ATRNL1: variants seen among roughly 807,000 people sequenced by gnomAD.
ATRNL1 encodes attractin-like protein 1.
A neutral mutation model predicts 182.7 loss-of-function variants in ATRNL1; 95 were observed. The ratio of observed to expected loss-of-function variants is 0.52; its 90% CI spans 0.44 to 0.62. ATRNL1 has a LOEUF of 0.62. ATRNL1 is among the 20% of genes least tolerant of loss of function. The pLI is 0.00. For synonymous variants in ATRNL1, 576 were observed against 568.3 expected (o/e 1.01, Z -0.19); for missense variants, 1,471 against 1,679.5 (o/e 0.88, Z 2.17).
At chr10:115,520,629 T>G (rs1565126291) in intron 25 of ATRNL1, among the ~76,000 whole-genome samples, 1 of 152,216 alleles carries the variant, frequency 6.6e-6, no homozygotes, top group Non-Finnish European at 1.5e-5. Context: ...CAGATGGCAT[T>G]TTCTATCATC....
chr10:115,749,883 A>G (rs1340250381), intron 27 of ATRNL1, among the ~76,000 whole-genome samples: 1 of 151,978 alleles, frequency 6.6e-6, no homozygotes, highest in African/African-American at 2.4e-5. Flanking sequence ...CTGAGCTTCA[A>G]GTTTCTCATT....
intron 26 of ATRNL1, among the ~76,000 whole-genome samples, chr10:115,613,006 T>G (rs1555019537): frequency 1.3e-5 from 2 of 152,256 alleles, no homozygotes; most frequent in African/African-American, 4.8e-5. Context: ...TGTTCAGTTC[T>G]TCTCACATCA....
chr10:115,423,966 A>C (rs569089981), intron 20 of ATRNL1, among the ~76,000 whole-genome samples: 1 of 152,348 alleles, frequency 6.6e-6, no homozygotes, highest in African/African-American at 2.4e-5. Flanking sequence ...TGTGCAGCAA[A>C]GGAAATAATC....
chr10:115,145,801 T>A (rs1554879214), intron 5 of ATRNL1, among the ~76,000 whole-genome samples: 1 of 152,150 alleles, frequency 6.6e-6, no homozygotes, highest in Admixed American at 6.5e-5. Context: ...ATCTTCCACT[T>A]CTTATTAACA....
chr10:115,871,041 G>C (rs1210108829), intron 28 of ATRNL1, among the ~76,000 whole-genome samples: 1 of 152,102 alleles, frequency 6.6e-6, no homozygotes, highest in Non-Finnish European at 1.5e-5. Context: ...TAAAGCAATT[G>C]CTTGAGTTTT....
intron 19 of ATRNL1, among the ~76,000 whole-genome samples, chr10:115,356,855 G>A (rs1308075718): frequency 6.6e-6 from 1 of 151,900 alleles, no homozygotes; most frequent in African/African-American, 2.4e-5. Context: ...TTTTGACAAT[G>A]AAGTGTGTCA....
At position 115,461,922 on chromosome 10, in the gene ATRNL1, CT is replaced by C. The variant is rs35292161; in HGVS notation, c.3323-12del. On this transcript the variant is annotated intron_variant, in intron 21 of 28. Coordinates refer to ENST00000355044, the MANE Select transcript of ATRNL1 (RefSeq NM_207303.4). ...TTTTAAAGTACATATCAGGATTGTACTTTTTTTCCTCCCTACAGACAGCCTT... is the reference window on the plus strand; with the variant it reads ...TTTTAAAGTACATATCAGGATTGTACTTTTTTCCTCCCTACAGACAGCCTT... 2.9e-5 allele frequency: 46 copies of C among 1,579,820 alleles called. No individual in the cohort carries two copies. The highest frequency in any genetic ancestry group is 5.7e-5 in the South Asian group (5 of 88,144).
At chr10:115,679,318 G>T (rs141088086) in intron 26 of ATRNL1, among the ~76,000 whole-genome samples, 1 of 150,624 alleles carries the variant, frequency 6.6e-6, no homozygotes, top group Non-Finnish European at 1.5e-5. Flanking sequence ...TTGGTTGGTT[G>T]GTTTTTTTTT....
chr10:115,578,248 A>G (rs1293249191), intron 26 of ATRNL1, among the ~76,000 whole-genome samples: 2 of 151,824 alleles, frequency 1.3e-5, no homozygotes, highest in East Asian at 1.9e-4. Flanking sequence ...CTTTGATGTC[A>G]GGGTGATACT....
At chr10:115,132,898 GGTAGT>G (rs1845321542) in intron 5 of ATRNL1, among the ~76,000 whole-genome samples, 1 of 152,104 alleles carries the variant, frequency 6.6e-6, no homozygotes, top group Non-Finnish European at 1.5e-5. Flanking sequence ...TCACTCTGAT[GGTAGT>G]TTCTTTTGCT....
chr10:115,178,227 T>G (rs556881734), intron 8 of ATRNL1, among the ~76,000 whole-genome samples: 52 of 152,064 alleles, frequency 3.4e-4, no homozygotes, highest in Non-Finnish European at 7.2e-4. Context: ...GGAAATTTTT[T>G]GTGAGAACAT....
At chr10:115,347,814 ATATT>A (rs1856044570) in intron 19 of ATRNL1, among the ~76,000 whole-genome samples, 1 of 152,062 alleles carries the variant, frequency 6.6e-6, no homozygotes. Context: ...TGTATATAAA[ATATT>A]TATGTGTGTA....
chr10:115,363,114 T>C (rs1245891385), intron 19 of ATRNL1, among the ~76,000 whole-genome samples: 1 of 147,246 alleles, frequency 6.8e-6, no homozygotes, highest in East Asian at 2.1e-4. Context: ...CCACAATGGT[T>C]GAACTAGTTT....
chr10:115,362,627 G>A (rs1228809523), intron 19 of ATRNL1, among the ~76,000 whole-genome samples: 2 of 151,450 alleles, frequency 1.3e-5, no homozygotes, highest in African/African-American at 2.4e-5. Context: ...CCACTAACTC[G>A]TCATCTAGCA....
intron 27 of ATRNL1, among the ~76,000 whole-genome samples, chr10:115,764,393 C>G (rs992106235): frequency 6.6e-6 from 1 of 152,060 alleles, no homozygotes; most frequent in Non-Finnish European, 1.5e-5. Context: ...TGTGTAATGA[C>G]ATGTATTTAT....
intron 26 of ATRNL1, among the ~76,000 whole-genome samples, chr10:115,673,846 C>T (rs1417112350): frequency 3.9e-5 from 6 of 152,030 alleles, no homozygotes; most frequent in African/African-American, 4.8e-5. Flanking sequence ...CCTTCCAAGG[C>T]TAGATCAGAA....
intron 28 of ATRNL1, among the ~76,000 whole-genome samples, chr10:115,915,252 G>C (rs1044858892): frequency 4.6e-5 from 7 of 152,098 alleles, no homozygotes; most frequent in African/African-American, 1.7e-4. Flanking sequence ...AAAAAAATTA[G>C]CCAGGCGTGG....
intron 27 of ATRNL1, among the ~76,000 whole-genome samples, chr10:115,795,184 C>T (rs1013502563): frequency 6.6e-6 from 1 of 152,178 alleles, no homozygotes; most frequent in Non-Finnish European, 1.5e-5. Flanking sequence ...GGTATTGCTG[C>T]TTCCAGGCCT....
intron 8 of ATRNL1, among the ~76,000 whole-genome samples, chr10:115,191,184 C>T (rs576756868): frequency 2.0e-5 from 3 of 152,040 alleles, no homozygotes; most frequent in Admixed American, 6.6e-5. Flanking sequence ...AACATGGGAA[C>T]GCAGATATCT....
Sources: gnomAD v4.1 joint callset for allele counts (sites outside exome capture counted in the v4.1 genomes callset) on GRCh38, gnomAD v4.1.1 for gene constraint, MANE v1.5 for transcripts, NCBI Gene and HGNC (gene_info 2026-07-23, HGNC 2026-07-21) for gene names.